Variants in THSD7A observed in about 807,000 individuals in gnomAD.
THSD7A encodes the protein thrombospondin type-1 domain-containing protein 7A.
In THSD7A, 96 loss-of-function variants were observed where a neutral mutation model predicts 231.3. The observed-to-expected ratio is 0.41, with a 90% CI of 0.35 to 0.49. The LOEUF (loss-of-function observed/expected upper bound fraction) is 0.49. Among genes scored for constraint, THSD7A ranks in the 20% least tolerant of loss-of-function variants. The pLI, the probability that THSD7A is intolerant of heterozygous loss-of-function variation, is 0.05. For missense variants in THSD7A, 2,290 were observed against 2,070.2 expected, an observed-to-expected ratio of 1.11 and a Z score of -2.06; for synonymous variants, 940 against 743.3, an observed-to-expected ratio of 1.26 and a Z score of -4.30.
intron 7 of THSD7A, among the ~76,000 whole-genome samples, chr7:11,480,963 T>G (rs1786398555): frequency 6.6e-6 from 1 of 152,216 alleles, no homozygotes; most frequent in African/African-American, 2.4e-5. Context: ...TTAAATAACA[T>G]ACACTTATAT....
chr7:11,771,777 G>A (rs1783237824), intron 1 of THSD7A, among the ~76,000 whole-genome samples: 1 of 152,208 alleles, frequency 6.6e-6, no homozygotes, highest in African/African-American at 2.4e-5. Context: ...TTGGGGCCTA[G>A]TGGGAGGTGA....
intron 4 of THSD7A, among the ~76,000 whole-genome samples, chr7:11,549,945 C>G (rs1013106265): frequency 1.3e-5 from 2 of 152,026 alleles, no homozygotes; most frequent in Non-Finnish European, 2.9e-5. Context: ...AATGCCCACT[C>G]TCACCACTCC....
At chr7:11,442,719 G>A (rs1031854000) in intron 13 of THSD7A, among the ~76,000 whole-genome samples, 6 of 152,022 alleles carry the variant, frequency 3.9e-5, no homozygotes, top group African/African-American at 1.4e-4. Context: ...AATTTCTCAA[G>A]ACTTTACTTT....
intron 2 of THSD7A, among the ~76,000 whole-genome samples, chr7:11,593,795 C>G (rs896403307): frequency 1.3e-5 from 2 of 152,226 alleles, no homozygotes; most frequent in African/African-American, 4.8e-5. Flanking sequence ...TCATTTTACT[C>G]ATTCCAGACT....
chr7:11,457,407 A>C (rs1375003254), intron 11 of THSD7A, among the ~76,000 whole-genome samples: 1 of 152,016 alleles, frequency 6.6e-6, no homozygotes, highest in Non-Finnish European at 1.5e-5. Context: ...TTTTATTTTT[A>C]TCTCTCTTCT....
At chr7:11,530,799 T>A (rs2128319247) in intron 6 of THSD7A, among the ~76,000 whole-genome samples, 1 of 152,146 alleles carries the variant, frequency 6.6e-6, no homozygotes, top group South Asian at 2.1e-4. Context: ...TCACTTGAGG[T>A]CAGGAGTTTG....
chr7:11,742,102 C>T (rs537876659), intron 1 of THSD7A, among the ~76,000 whole-genome samples: 14 of 151,968 alleles, frequency 9.2e-5, no homozygotes, highest in Non-Finnish European at 1.9e-4. Flanking sequence ...TTTAGGAATT[C>T]TAAAGAAGTG....
At chr7:11,720,069 G>T (rs149754552) in intron 1 of THSD7A, among the ~76,000 whole-genome samples, 1 of 151,804 alleles carries the variant, frequency 6.6e-6, no homozygotes, top group Non-Finnish European at 1.5e-5. Context: ...GCATGGCTTA[G>T]TGCTGTTTAA....
At chr7:11,493,329 T>C (rs1206079097) in intron 6 of THSD7A, among the ~76,000 whole-genome samples, 1 of 152,044 alleles carries the variant, frequency 6.6e-6, no homozygotes, top group Admixed American at 6.6e-5. Flanking sequence ...TCAACATACG[T>C]TGAAATTAAA....
intron 6 of THSD7A, among the ~76,000 whole-genome samples, chr7:11,503,249 G>A (rs1351670341): frequency 2.6e-5 from 4 of 152,168 alleles, no homozygotes; most frequent in Admixed American, 2.6e-4. Flanking sequence ...TGCAATAACT[G>A]GCTAGCCATA....
At chr7:11,598,140 G>C (rs1780430324) in intron 2 of THSD7A, among the ~76,000 whole-genome samples, 1 of 152,190 alleles carries the variant, frequency 6.6e-6, no homozygotes, top group African/African-American at 2.4e-5. Flanking sequence ...CTTTGCATGG[G>C]AGGAGAAATG....
intron 1 of THSD7A, among the ~76,000 whole-genome samples, chr7:11,711,101 C>T (rs1780946862): frequency 6.6e-6 from 1 of 150,714 alleles, no homozygotes; most frequent in Non-Finnish European, 1.5e-5. Context: ...CTTTTATTTT[C>T]CAAGGACCAC....
At chr7:11,436,622 G>A (rs1784642184) in intron 13 of THSD7A, among the ~76,000 whole-genome samples, 2 of 151,540 alleles carry the variant, frequency 1.3e-5, no homozygotes, top group Admixed American at 6.6e-5. Flanking sequence ...TAATTGGAAT[G>A]CTTTAAAATT....
chr7:11,506,969 A>G (rs77018870), intron 6 of THSD7A, among the ~76,000 whole-genome samples: 13,427 of 152,126 alleles, frequency 0.088, 715 homozygotes, highest in Admixed American at 0.14. Context: ...TCTCCCTACA[A>G]TGTAAGTTCT....
intron 1 of THSD7A, among the ~76,000 whole-genome samples, chr7:11,769,998 T>G (rs1783171267): frequency 6.6e-6 from 1 of 152,090 alleles, no homozygotes; most frequent in Non-Finnish European, 1.5e-5. Context: ...AAGACAAATG[T>G]TAGAAGCTGG....
At chr7:11,767,992 G>C (rs575687918) in intron 1 of THSD7A, among the ~76,000 whole-genome samples, 1 of 152,202 alleles carries the variant, frequency 6.6e-6, no homozygotes, top group African/African-American at 2.4e-5. Context: ...AAATATATTA[G>C]CTATTCTTTA....
intron 4 of THSD7A, among the ~76,000 whole-genome samples, chr7:11,560,178 A>G (rs1171851283): frequency 1.3e-5 from 2 of 152,188 alleles, no homozygotes; most frequent in Non-Finnish European, 2.9e-5. Flanking sequence ...TTTTTTAATG[A>G]TACCATTCAT....
intron 4 of THSD7A, among the ~76,000 whole-genome samples, chr7:11,585,078 C>A (rs763880265): frequency 2.0e-5 from 3 of 152,226 alleles, no homozygotes; most frequent in Non-Finnish European, 4.4e-5. Flanking sequence ...GTTTATCTGA[C>A]TTCTGAGCTG....
intron 4 of THSD7A, among the ~76,000 whole-genome samples, chr7:11,547,031 T>A (rs1723463036): frequency 6.6e-6 from 1 of 152,050 alleles, no homozygotes; most frequent in African/African-American, 2.4e-5. Flanking sequence ...AAAAGTGAAA[T>A]AAGGAATTAT....
Sources: gnomAD v4.1 joint callset for allele counts (sites outside exome capture counted in the v4.1 genomes callset) on GRCh38, gnomAD v4.1.1 for gene constraint, MANE v1.5 for transcripts, NCBI Gene and HGNC (gene_info 2026-07-23, HGNC 2026-07-21) for gene names.